SLC9A4: variants seen among roughly 807,000 people sequenced by gnomAD.
SLC9A4 encodes the protein sodium/hydrogen exchanger 4.
In SLC9A4, 63 loss-of-function variants were observed where a neutral mutation model predicts 67.4. The observed-to-expected ratio is 0.93, with a 90% confidence interval of 0.76 to 1.15. The LOEUF (loss-of-function observed/expected upper bound fraction) is 1.15. Ranked by LOEUF, SLC9A4 falls within the 50% of genes most tolerant of loss-of-function variation. SLC9A4 has a pLI of 0.00. For missense variants in SLC9A4, 1,089 were observed against 987.7 expected (o/e 1.10, Z -1.38); for synonymous variants, 393 against 367.2 (o/e 1.07, Z -0.80).
At chr2:102,513,564 G>GT (rs35371616) in intron 7 of SLC9A4, among the ~76,000 whole-genome samples, 115,852 of 152,030 alleles carry the variant, frequency 0.76, 44,403 homozygotes, top group Middle Eastern at 0.81. Context: ...CATACGTAGG[G>GT]TTTTTTTCTT....
chr2:102,521,083 T>C (rs1028156559), intron 9 of SLC9A4, among the ~76,000 whole-genome samples: 11 of 152,272 alleles, frequency 7.2e-5, no homozygotes, highest in African/African-American at 1.9e-4. Flanking sequence ...CTGCCTTAGA[T>C]AAATAATAGA....
At chr2:102,517,643 A>T (rs1423760294) in intron 8 of SLC9A4, among the ~76,000 whole-genome samples, 1 of 152,244 alleles carries the variant, frequency 6.6e-6, no homozygotes, top group Non-Finnish European at 1.5e-5. Context: ...ATGTAAGGTG[A>T]TGGATATCCC....
intron 11 of SLC9A4, among the ~76,000 whole-genome samples, chr2:102,531,400 G>A (rs566624903): frequency 1.3e-4 from 20 of 152,302 alleles, no homozygotes; most frequent in African/African-American, 4.8e-4. Context: ...TCGGTTAGGG[G>A]TCTGGAAGAG....
chr2:102,477,474 C>T (rs1032276389), intron 1 of SLC9A4, among the ~76,000 whole-genome samples: 3 of 152,192 alleles, frequency 2.0e-5, no homozygotes, highest in Non-Finnish European at 2.9e-5. Context: ...AGATACTGTG[C>T]TAAGCATTTG....
At chr2:102,525,233 A>G in intron 10 of SLC9A4, 78 bp downstream of exon 10, 1 of 1,582,082 alleles carries the variant, frequency 6.3e-7, no homozygotes, top group Non-Finnish European at 8.6e-7. Flanking sequence ...CCTGTACAGG[A>G]TCTCACATGC....
At chr2:102,521,106 G>A (rs954832478) in intron 9 of SLC9A4, among the ~76,000 whole-genome samples, 8 of 152,142 alleles carry the variant, frequency 5.3e-5, no homozygotes, top group Non-Finnish European at 1.0e-4. Flanking sequence ...ACAACTTCCT[G>A]GTTTGAAAAA....
At chr2:102,482,892 G>A (rs1167938864) in intron 2 of SLC9A4, among the ~76,000 whole-genome samples, 1 of 152,312 alleles carries the variant, frequency 6.6e-6, no homozygotes, top group South Asian at 2.1e-4. Context: ...CCAAGGCAGA[G>A]TCTTTATCAA....
chr2:102,479,499 T>G (rs979065783), intron 2 of SLC9A4, among the ~76,000 whole-genome samples, 197 bp downstream of exon 2: 16 of 152,194 alleles, frequency 1.1e-4, no homozygotes, highest in African/African-American at 3.9e-4. Context: ...TCACTCACAC[T>G]GCTTGTCATT....
At chr2:102,504,196 GTA>G in intron 3 of SLC9A4, among the ~76,000 whole-genome samples, 1 of 152,168 alleles carries the variant, frequency 6.6e-6, no homozygotes, top group African/African-American at 2.4e-5. Context: ...GGGACTACAG[GTA>G]CTGGCCACCA....
rs115868705 is a variant in SLC9A4, at chr2:102,479,245, C to T, written c.663C>T (p.Asn221=). 324 of 1,614,114 alleles carry T rather than the reference C, an allele frequency of 2.0e-4. 1 individual carries two copies. The African/African-American group carries it at 4.1e-3, about 20-fold the overall frequency. ...CCGTGTTTGAGGAAGCGCGCGTGAA[C>T]GAGCAGCTCTACATGATGATCTTTG... ...VLAVFEEARV[N]EQLYMMIFGE... The change falls in exon 2 of 12, where the codon AAC becomes AAT. Residue 221 remains asparagine, a synonymous_variant. Coordinates refer to ENST00000295269, the MANE Select transcript of SLC9A4 (RefSeq NM_001011552.4).
rs1573343877 is a variant in SLC9A4, at chr2:102,505,407, T to G, written c.1134T>G (p.Asn378Lys). 1 of 1,614,208 alleles carries G rather than the reference T, an allele frequency of 6.2e-7. No homozygotes were observed. Residue 378 changes from asparagine (N) to lysine (K), a missense_variant, in exon 4 of 12, where the codon AAT (asparagine) becomes AAG (lysine). Transcript: ENST00000295269. ...TGGGTGTGTCCACTGTGGGCAAGAA[T>G]CACGAGTGGAACTGGGCCTTCATCT... The part of the protein sequence containing the change: ...IFMGVSTVGK[N>K]HEWNWAFICF...
intron 4 of SLC9A4, among the ~76,000 whole-genome samples, chr2:102,507,171 T>G (rs1209439341): frequency 6.6e-6 from 1 of 152,162 alleles, no homozygotes; most frequent in Non-Finnish European, 1.5e-5. Flanking sequence ...GTCACATGAC[T>G]GGCATGGAGA....
intron 9 of SLC9A4, among the ~76,000 whole-genome samples, chr2:102,521,757 C>A (rs1685424959): frequency 6.6e-6 from 1 of 152,194 alleles, no homozygotes; most frequent in African/African-American, 2.4e-5. Flanking sequence ...CATTAGCCAT[C>A]CTGCACTCTC....
intron 2 of SLC9A4, among the ~76,000 whole-genome samples, chr2:102,495,583 T>C (rs986746296): frequency 2.6e-5 from 4 of 152,098 alleles, no homozygotes; most frequent in African/African-American, 9.7e-5. Context: ...AGAACAAAGC[T>C]GAAAGACTTA....
At chr2:102,505,522 C>A in intron 4 of SLC9A4, 51 bp downstream of exon 4, 1 of 1,550,652 alleles carries the variant, frequency 6.4e-7, no homozygotes, top group South Asian at 1.1e-5. Flanking sequence ...ATTTTCAGTT[C>A]TCTTATTCCC....
intron 2 of SLC9A4, among the ~76,000 whole-genome samples, chr2:102,501,427 T>C (rs1684938517): frequency 6.6e-6 from 1 of 151,974 alleles, no homozygotes. Flanking sequence ...GAATTTTTAG[T>C]AGAGATGGGG....
At chr2:102,489,171 A>C (rs1361794062) in intron 2 of SLC9A4, among the ~76,000 whole-genome samples, 1 of 152,152 alleles carries the variant, frequency 6.6e-6, no homozygotes, top group African/African-American at 2.4e-5. Flanking sequence ...TAGATGGTGA[A>C]AGATAGTCCT....
At chr2:102,517,291 T>G (rs1685294154) in intron 8 of SLC9A4, among the ~76,000 whole-genome samples, 1 of 152,192 alleles carries the variant, frequency 6.6e-6, no homozygotes, top group Non-Finnish European at 1.5e-5. Flanking sequence ...TCCTACAGAC[T>G]TCACATCTTA....
intron 11 of SLC9A4, among the ~76,000 whole-genome samples, chr2:102,528,974 A>G (rs570823102): frequency 1.1e-3 from 173 of 152,348 alleles, no homozygotes; most frequent in Non-Finnish European, 2.0e-3. Flanking sequence ...TCCATATGCA[A>G]TTGTATTGTC....
Sources: gnomAD v4.1 joint callset for allele counts (sites outside exome capture counted in the v4.1 genomes callset) on GRCh38, gnomAD v4.1.1 for gene constraint, MANE v1.5 for transcripts, NCBI Gene and HGNC (gene_info 2026-07-23, HGNC 2026-07-21) for gene names.